COG5: variants seen among roughly 807,000 people sequenced by gnomAD.
COG5 encodes conserved oligomeric Golgi complex subunit 5.
In COG5, 86 loss-of-function variants were observed where a neutral mutation model predicts 110.4. The ratio of observed to expected loss-of-function variants is 0.78; its 90% CI spans 0.65 to 0.93. The LOEUF is 0.93. Among genes scored for constraint, COG5 ranks in the 40% least tolerant of loss-of-function variants. The pLI, the probability that COG5 is intolerant of heterozygous loss-of-function variation, is 0.00. For missense variants in COG5, 1,077 were observed against 987.0 expected (o/e 1.09, Z -1.22); for synonymous variants, 360 against 334.6 (o/e 1.08, Z -0.83).
intron 13 of COG5, among the ~76,000 whole-genome samples, chr7:107,283,194 G>A (rs554350371): frequency 2.6e-5 from 4 of 152,162 alleles, no homozygotes; most frequent in Admixed American, 1.3e-4. Context: ...AGCACGTTCT[G>A]GAGTTTAGGA....
At chr7:107,541,937 A>G (rs1802070413) in intron 5 of COG5, among the ~76,000 whole-genome samples, 1 of 138,924 alleles carries the variant, frequency 7.2e-6, no homozygotes, top group African/African-American at 2.8e-5. Context: ...CTCAAAAAAG[A>G]AAAAAAAAAA....
intron 3 of COG5, among the ~76,000 whole-genome samples, chr7:107,553,539 C>T (rs1276681158): frequency 6.6e-6 from 1 of 152,186 alleles, no homozygotes; most frequent in East Asian, 1.9e-4. Flanking sequence ...AGAAAAACCC[C>T]TTACCTTTCT....
intron 19 of COG5, among the ~76,000 whole-genome samples, chr7:107,220,841 G>T (rs1186317775): frequency 6.9e-6 from 1 of 144,848 alleles, no homozygotes; most frequent in Non-Finnish European, 1.5e-5. Flanking sequence ...TTTTTTTGAG[G>T]CAGTCTCGCT....
intron 7 of COG5, among the ~76,000 whole-genome samples, chr7:107,401,151 G>A (rs1023524403): frequency 6.6e-6 from 1 of 151,878 alleles, no homozygotes; most frequent in East Asian, 1.9e-4. Flanking sequence ...AAAAAAACAG[G>A]CCACGGGCTG....
At chr7:107,438,969 TCTC>T (rs1450519135) in intron 6 of COG5, among the ~76,000 whole-genome samples, 1 of 152,120 alleles carries the variant, frequency 6.6e-6, no homozygotes, top group Non-Finnish European at 1.5e-5. Flanking sequence ...TTCAGGCTCT[TCTC>T]CCTCCACCCT....
chr7:107,493,119 C>A (rs1253002993), intron 6 of COG5, among the ~76,000 whole-genome samples: 3 of 152,140 alleles, frequency 2.0e-5, no homozygotes, highest in African/African-American at 7.2e-5. Flanking sequence ...GGTTCTCTCA[C>A]TTCTGCTCTT....
Position 107,474,184 on chromosome 7 carries a change from G to T in COG5, c.538+53053C>A. ...ACTATCATATCCGTTAAGCTTTCAA[G>T]TGTCTCTCACCGGATTTCTTATGTT... On this transcript the variant is annotated intron_variant, in intron 6 of 21. Transcript: ENST00000297135. This position sits in a 1 kb window ranked among gnomAD's most constrained non-coding sequence, Gnocchi z 5.7. 1 of 1,612,734 alleles carries T rather than the reference G, an allele frequency of 6.2e-7. No homozygotes were observed. Among genetic ancestry groups the T allele is most frequent in the Admixed American group, 1.7e-5 (1 of 59,928 alleles).
chr7:107,223,377 G>A (rs1452757388), intron 19 of COG5, among the ~76,000 whole-genome samples: 2 of 152,210 alleles, frequency 1.3e-5, no homozygotes, highest in Non-Finnish European at 2.9e-5. Context: ...TCCCAGGAGA[G>A]AATGAAGCAG....
At chr7:107,451,510 A>T (rs570783427) in intron 6 of COG5, among the ~76,000 whole-genome samples, 1 of 152,290 alleles carries the variant, frequency 6.6e-6, no homozygotes. Context: ...AAAGCAAAAA[A>T]GTCAGACAGA....
chr7:107,295,867 T>C (rs1282991570), intron 12 of COG5, among the ~76,000 whole-genome samples: 1 of 152,082 alleles, frequency 6.6e-6, no homozygotes, highest in African/African-American at 2.4e-5. Context: ...TCTCGGCTCA[T>C]TGCAACATCC....
chr7:107,505,417 T>A (rs534971096), intron 6 of COG5, among the ~76,000 whole-genome samples: 4 of 152,168 alleles, frequency 2.6e-5, no homozygotes, highest in Non-Finnish European at 5.9e-5. Context: ...ATGTTTCAAG[T>A]GGAGAGGAAT....
rs189315180 is a variant in COG5, at chr7:107,275,819, T to C, written c.1575+5481A>G. Among the ~76,000 whole-genome samples, 45 of 152,018 alleles carry C rather than the reference T, an allele frequency of 3.0e-4. 1 individual carries two copies. Among genetic ancestry groups the C allele is most frequent in the Middle Eastern group, 3.4e-3 (1 of 294 alleles). On this transcript the variant is annotated intron_variant, in intron 14 of 21. Transcript: ENST00000297135. ...GATTATAGGCATGAGCCACCATACC[T>C]GGCCAATACTTTTAGAACTTAAAAA...
rs1808489643 is a variant in COG5, at chr7:107,313,849, TCA to T, written c.1108+10589_1108+10590del. 5.3e-5 allele frequency among the ~76,000 whole-genome samples: 8 copies of T among 152,224 alleles called. No homozygotes were observed. The South Asian group carries it at 1.7e-3, about 32-fold the overall frequency. On this transcript the variant is annotated intron_variant, in intron 11 of 21. Coordinates refer to ENST00000297135, the MANE Select transcript of COG5 (RefSeq NM_006348.5). Reference sequence around the variant, plus strand: ...CCCTCTTGCTATGAAGGTAACATAATCACAGATTCTGGAGATTAGGCCATGGA... The same window carrying T: ...CCCTCTTGCTATGAAGGTAACATAATCAGATTCTGGAGATTAGGCCATGGA...
At chr7:107,221,634 G>A (rs1002126396) in intron 19 of COG5, among the ~76,000 whole-genome samples, 5 of 151,802 alleles carry the variant, frequency 3.3e-5, no homozygotes, top group African/African-American at 4.8e-5. Flanking sequence ...GCATGGTAGC[G>A]TGTGCCTGTA....
intron 19 of COG5, among the ~76,000 whole-genome samples, chr7:107,220,801 G>A (rs945552804): frequency 1.3e-5 from 2 of 151,858 alleles, no homozygotes; most frequent in Non-Finnish European, 2.9e-5. Context: ...AAAGGATAGC[G>A]GGACTCATGC....
rs1269468251 is a variant in COG5 at position 107,502,906 on chromosome 7, C to A, written c.538+24331G>T. Among the ~76,000 whole-genome samples, 8 of 151,304 alleles carry A rather than the reference C, an allele frequency of 5.3e-5. No individual in the cohort carries two copies. In the Admixed American group the frequency reaches 5.3e-4, roughly 10 times the overall value. ...TTGAGTTCCCTGTAGCTTCTGAATA[C>A]TAGTTCTTTGTCACATGCACAGTTT... On this transcript the variant is annotated intron_variant, in intron 6 of 21. Coordinates refer to ENST00000297135, the MANE Select transcript of COG5 (RefSeq NM_006348.5).
At chr7:107,220,163 A>G (rs1218543689) in intron 19 of COG5, among the ~76,000 whole-genome samples, 1 of 152,234 alleles carries the variant, frequency 6.6e-6, no homozygotes, top group Admixed American at 6.5e-5. Flanking sequence ...TTTCTAGAAC[A>G]GCTATGCTGA....
chr7:107,242,580 A>C (rs530448272), intron 17 of COG5, among the ~76,000 whole-genome samples: 8 of 152,350 alleles, frequency 5.3e-5, no homozygotes. Context: ...CTGCCCCTGC[A>C]ATGGAACTGC....
intron 7 of COG5, among the ~76,000 whole-genome samples, chr7:107,410,776 T>A (rs1039553376): frequency 2.0e-5 from 3 of 152,034 alleles, no homozygotes; most frequent in East Asian, 1.9e-4. Flanking sequence ...AAAAGAATTA[T>A]GAGTTATAAC....
Sources: allele counts gnomAD v4.1 joint callset (sites outside exome capture counted in the v4.1 genomes callset), GRCh38; gene constraint gnomAD v4.1.1; non-coding constraint Gnocchi (gnomAD v3.1); transcripts MANE v1.5; gene names NCBI Gene and HGNC (gene_info 2026-07-23, HGNC 2026-07-21).